RAB20: variants seen among roughly 807,000 people sequenced by gnomAD.
RAB20 encodes the protein RAB20, member RAS oncogene family, also known as ras-related protein Rab-20.
Under a neutral mutation model 3.7 loss-of-function variants are expected in RAB20, and 2 were observed. That is an observed-to-expected ratio of 0.54 (90% CI 0.22 to 1.69). The LOEUF (loss-of-function observed/expected upper bound fraction) is 1.69. Among genes scored for constraint, RAB20 ranks in the 40% most tolerant of loss-of-function variants. The pLI, the probability that RAB20 is intolerant of heterozygous loss-of-function variation, is 0.19. For synonymous variants in RAB20, 126 were observed against 130.8 expected (o/e 0.96, Z 0.25); for missense variants, 276 against 311.9 (o/e 0.88, Z 0.87).
rs1180207849 is a variant in RAB20, at chr13:110,561,698, C to T, written c.-179G>A. 1.7e-6 allele frequency: 2 copies of T among 1,154,648 alleles called. No individual in the cohort carries two copies. Among genetic ancestry groups the T allele is most frequent in the African/African-American group, 3.3e-5 (2 of 61,394 alleles). 71.5% of individuals were successfully genotyped at this position (1,154,648 alleles called of 1,614,324 possible). Reference sequence around the variant, plus strand: ...TCAAGAGAGGAAGCGCGTGTGCGCGCCCGGGAAGGAGCTGGGTGCAGAGCA... The same window carrying T: ...TCAAGAGAGGAAGCGCGTGTGCGCGTCCGGGAAGGAGCTGGGTGCAGAGCA... On this transcript the variant is annotated 5_prime_UTR_variant, in exon 1 of 2. Coordinates refer to ENST00000267328, the MANE Select transcript of RAB20 (RefSeq NM_017817.3).
chr13:110,553,821 A>T (rs1884996230), intron 1 of RAB20, among the ~76,000 whole-genome samples: 1 of 152,198 alleles, frequency 6.6e-6, no homozygotes, highest in Non-Finnish European at 1.5e-5. Context: ...AAGCCAGCTA[A>T]AATCTGACTC....
At chr13:110,525,313 TA>T (rs1157760956) in intron 1 of RAB20, among the ~76,000 whole-genome samples, 1 of 152,216 alleles carries the variant, frequency 6.6e-6, no homozygotes, top group African/African-American at 2.4e-5. Flanking sequence ...AAAGGAAGAT[TA>T]AAAGGTCCCC....
At chr13:110,526,441 T>C (rs1054360040) in intron 1 of RAB20, among the ~76,000 whole-genome samples, 20 of 151,276 alleles carry the variant, frequency 1.3e-4, no homozygotes, top group African/African-American at 4.6e-4. Context: ...AGATCACATT[T>C]AGGCAAACCA....
intron 1 of RAB20, among the ~76,000 whole-genome samples, chr13:110,560,490 G>A (rs911786004): frequency 8.5e-5 from 13 of 152,128 alleles, no homozygotes; most frequent in Admixed American, 7.9e-4. Flanking sequence ...TAACATAAAA[G>A]AAGTCAGAAC....
In RAB20 at chr13:110,561,474, C is replaced by T. The variant is rs776067031; in HGVS notation, c.46G>A (p.Val16Met). The change falls in exon 1 of 2, where the codon GTG (valine) becomes ATG (methionine). Residue 16 changes from valine (V) to methionine (M), a missense_variant. Physicochemically the swap from Val to Met is conservative, Grantham distance 21. Coordinates refer to ENST00000267328, the MANE Select transcript of RAB20 (RefSeq NM_017817.3). ...CGCTGCAGCAGCGACGTCTTCCCCA[C>T]GTTCATGTCCCCCAGGAGCACGATC... Reference protein sequence around the residue: ...SKIVLLGDMNVGKTSLLQRYM... With the variant: ...SKIVLLGDMNMGKTSLLQRYM... The T allele has an allele frequency of 2.5e-6, 4 of 1,600,382 alleles. No individual in the cohort carries two copies. Among genetic ancestry groups the T allele is most frequent in the African/African-American group, 1.4e-5 (1 of 73,156 alleles).
At chr13:110,525,405 C>T (rs2139572520) in intron 1 of RAB20, among the ~76,000 whole-genome samples, 1 of 152,368 alleles carries the variant, frequency 6.6e-6, no homozygotes, top group Non-Finnish European at 1.5e-5. Context: ...AACACCTGCA[C>T]ATCCGTACTG....
chr13:110,528,852 G>A (rs1884478081), intron 1 of RAB20, among the ~76,000 whole-genome samples: 1 of 152,194 alleles, frequency 6.6e-6, no homozygotes, highest in African/African-American at 2.4e-5. Flanking sequence ...AGTAAGAATT[G>A]TTGCTTGAAC....
intron 1 of RAB20, among the ~76,000 whole-genome samples, chr13:110,559,119 T>G (rs1305809062): frequency 2.0e-5 from 3 of 152,128 alleles, no homozygotes; most frequent in Non-Finnish European, 4.4e-5. Flanking sequence ...CTGCCTGCCT[T>G]GCAGGCTACA....
chr13:110,542,275 A>G (rs1430272311), intron 1 of RAB20, among the ~76,000 whole-genome samples: 1 of 152,186 alleles, frequency 6.6e-6, no homozygotes, highest in Non-Finnish European at 1.5e-5. Context: ...TACCCTATTA[A>G]GCTAATTAAC....
At chr13:110,527,672 T>A (rs1052691036) in intron 1 of RAB20, among the ~76,000 whole-genome samples, 1 of 152,028 alleles carries the variant, frequency 6.6e-6, no homozygotes, top group African/African-American at 2.4e-5. Context: ...GACTGAGAAG[T>A]CAATCCGTTT....
At chr13:110,533,255 G>A (rs1043565285) in intron 1 of RAB20, among the ~76,000 whole-genome samples, 1 of 152,210 alleles carries the variant, frequency 6.6e-6, no homozygotes. Context: ...CGAGCCAAAA[G>A]GTTATTTTAG....
chr13:110,550,762 T>A (rs1408859821), intron 1 of RAB20, among the ~76,000 whole-genome samples: 1 of 152,210 alleles, frequency 6.6e-6, no homozygotes, highest in Admixed American at 6.5e-5. Context: ...TCCAAGGTTT[T>A]GGGCTGTAAT....
At chr13:110,557,265 T>C (rs1230062148) in intron 1 of RAB20, among the ~76,000 whole-genome samples, 2 of 152,174 alleles carry the variant, frequency 1.3e-5, no homozygotes, top group South Asian at 4.1e-4. Flanking sequence ...AAGTTGGATA[T>C]GTAGCTGAGG....
chr13:110,527,020 G>C (rs1354671007), intron 1 of RAB20, among the ~76,000 whole-genome samples: 1 of 152,082 alleles, frequency 6.6e-6, no homozygotes, highest in Non-Finnish European at 1.5e-5. Context: ...TGGTCTGTGG[G>C]GCTTTGGAGC....
At chr13:110,538,723 C>A (rs1034899350) in intron 1 of RAB20, among the ~76,000 whole-genome samples, 1 of 152,068 alleles carries the variant, frequency 6.6e-6, no homozygotes, top group Admixed American at 6.5e-5. Flanking sequence ...CCCAGAAAAC[C>A]AGCTCCCTGG....
At chr13:110,529,908 T>C (rs1884500925) in intron 1 of RAB20, among the ~76,000 whole-genome samples, 1 of 152,214 alleles carries the variant, frequency 6.6e-6, no homozygotes, top group African/African-American at 2.4e-5. Context: ...CTCAGCTTTA[T>C]GTCACCAACA....
intron 1 of RAB20, among the ~76,000 whole-genome samples, chr13:110,550,420 A>T (rs1486430698): frequency 6.6e-6 from 1 of 152,208 alleles, no homozygotes; most frequent in Non-Finnish European, 1.5e-5. Flanking sequence ...TGGATCAGAA[A>T]TTCCAGATGC....
chr13:110,548,205 C>T (rs1033928451), intron 1 of RAB20, among the ~76,000 whole-genome samples: 10 of 148,628 alleles, frequency 6.7e-5, no homozygotes, highest in African/African-American at 2.2e-4. Flanking sequence ...ATAATTCGGC[C>T]GGGCACGGTG....
At chr13:110,550,278 C>T (rs1370828691) in intron 1 of RAB20, among the ~76,000 whole-genome samples, 1 of 152,210 alleles carries the variant, frequency 6.6e-6, no homozygotes, top group Non-Finnish European at 1.5e-5. Context: ...CCATGTGTCT[C>T]TTCATGCGGT....
Sources: allele counts gnomAD v4.1 joint callset (sites outside exome capture counted in the v4.1 genomes callset), GRCh38; gene constraint gnomAD v4.1.1; transcripts MANE v1.5; gene names NCBI Gene and HGNC (gene_info 2026-07-23, HGNC 2026-07-21).